The following PCSK5 variants were observed in gnomAD, a reference collection of about 807,000 sequenced individuals.
The protein encoded by PCSK5 is proprotein convertase subtilisin/kexin type 5, also known as prohormone convertase 5.
PCSK5 carries 129 observed loss-of-function variants against 233.2 expected under a neutral mutation model. The ratio of observed to expected loss-of-function variants is 0.55; its 90% CI spans 0.48 to 0.64. The LOEUF is 0.64. Ranked by LOEUF, PCSK5 falls within the 30% of genes least tolerant of loss-of-function variation. PCSK5 has a pLI of 0.00. For synonymous variants in PCSK5, 825 were observed against 879.2 expected (o/e 0.94, Z 1.09); for missense variants, 2,076 against 2,430.1 (o/e 0.85, Z 3.06).
intron 13 of PCSK5, among the ~76,000 whole-genome samples, chr9:76,170,610 A>T (rs1255144672): frequency 1.3e-5 from 2 of 152,230 alleles, no homozygotes; most frequent in Non-Finnish European, 2.9e-5. Flanking sequence ...CCATGAACAC[A>T]TCTTTAGCCA....
rs541590101 is a variant in PCSK5, at chr9:76,217,344, C to T, written c.2627-10159C>T. Among the ~76,000 whole-genome samples, 355 of 152,338 alleles carry T rather than the reference C, an allele frequency of 2.3e-3. 3 individuals carry two copies. The highest frequency in any genetic ancestry group is 7.7e-3 in the African/African-American group (319 of 41,570). The stretch of plus-strand genomic sequence containing the variant: ...TAAAGGTCTCTCTGGTGTTTGCTCT[C>T]TGGTGTTGCTTATCTGAGGGACCCA... On this transcript the variant is annotated intron_variant, in intron 20 of 37. Coordinates refer to ENST00000674117, the MANE Select transcript of PCSK5 (RefSeq NM_001372043.1).
intron 9 of PCSK5, among the ~76,000 whole-genome samples, chr9:76,122,694 G>T (rs978011775): frequency 1.3e-5 from 2 of 151,694 alleles, no homozygotes; most frequent in African/African-American, 4.8e-5. Flanking sequence ...CTCTTTGTAG[G>T]ACATATATTT....
At chr9:76,194,267 T>G (rs1309728418) in intron 20 of PCSK5, 2 of 152,162 alleles carry the variant, frequency 1.3e-5, no homozygotes, top group Non-Finnish European at 2.9e-5. Context: ...CATCTGAAAT[T>G]CCATTTGTCA....
At chr9:76,217,720 G>A (rs1243312311) in intron 20 of PCSK5, among the ~76,000 whole-genome samples, 2 of 152,168 alleles carry the variant, frequency 1.3e-5, no homozygotes, top group African/African-American at 4.8e-5. Context: ...TCTCAAAAAG[G>A]AGAAAGAGCC....
chr9:76,249,168 G>A (rs918197270), intron 24 of PCSK5, among the ~76,000 whole-genome samples: 2 of 152,174 alleles, frequency 1.3e-5, no homozygotes, highest in Non-Finnish European at 1.5e-5. Flanking sequence ...TTTGATTGTC[G>A]TGACTGGAAG....
In PCSK5 at chr9:76,227,575, A is replaced by G; in HGVS notation, c.2699A>G (p.Gln900Arg). ...ASCAKCQGPT[Q>R]EDCTTCPMTR... ...TGTGCCAAGTGCCAGGGACCAACCC[A>G]GGAAGACTGCACTACCTGCCCCATG... Residue 900 changes from glutamine (Q) to arginine (R), a missense_variant, in exon 21 of 38, where the codon CAG becomes CGG. Physicochemically the swap from Gln to Arg is conservative, Grantham distance 43 (BLOSUM62 1). Transcript: ENST00000674117. 1.2e-6 allele frequency: 2 copies of G among 1,611,634 alleles called. No individual in the cohort carries two copies. Among genetic ancestry groups the G allele is most frequent in the South Asian group, 1.1e-5 (1 of 90,794 alleles).
chr9:76,193,560 A>C, intron 20 of PCSK5: 1 of 490,978 alleles, frequency 2.0e-6, no homozygotes, highest in Non-Finnish European at 3.5e-6. Context: ...ATAAAACTAC[A>C]ACAAGCCTAC....
At chr9:76,317,973 G>A (rs1050821066) in intron 30 of PCSK5, among the ~76,000 whole-genome samples, 3 of 152,164 alleles carry the variant, frequency 2.0e-5, no homozygotes, top group Admixed American at 2.0e-4. Flanking sequence ...GGTTGGGATG[G>A]TTTGTGGCAC....
At chr9:76,019,978 T>C (rs1828110953) in intron 3 of PCSK5, among the ~76,000 whole-genome samples, 1 of 152,256 alleles carries the variant, frequency 6.6e-6, no homozygotes, top group Non-Finnish European at 1.5e-5. Context: ...ACTATAAATA[T>C]TTATCTTGCA....
At chr9:76,060,281 A>T (rs1397434684) in intron 5 of PCSK5, among the ~76,000 whole-genome samples, 1 of 152,226 alleles carries the variant, frequency 6.6e-6, no homozygotes, top group Admixed American at 6.5e-5. Flanking sequence ...TAATAAAAAT[A>T]AAAAACCAAT....
chr9:76,129,406 CTTTTA>C (rs754064727), intron 9 of PCSK5, among the ~76,000 whole-genome samples: 6 of 152,132 alleles, frequency 3.9e-5, no homozygotes, highest in Non-Finnish European at 8.8e-5. Context: ...CAGAATTACT[CTTTTA>C]TTTTAGGAAA....
At chr9:76,135,658 A>T (rs1033338016) in intron 10 of PCSK5, among the ~76,000 whole-genome samples, 1 of 152,046 alleles carries the variant, frequency 6.6e-6, no homozygotes, top group African/African-American at 2.4e-5. Context: ...TGCCATATGT[A>T]TGTTTCATTT....
At chr9:75,997,757 G>A (rs1317264898) in intron 3 of PCSK5, among the ~76,000 whole-genome samples, 1 of 152,050 alleles carries the variant, frequency 6.6e-6, no homozygotes, top group Non-Finnish European at 1.5e-5. Flanking sequence ...ATTAAAAAGA[G>A]GAAAAACCTG....
chr9:76,204,256 G>A (rs1442404494), intron 20 of PCSK5, among the ~76,000 whole-genome samples: 3 of 152,024 alleles, frequency 2.0e-5, no homozygotes, highest in South Asian at 2.1e-4. Flanking sequence ...GAAGCACTCT[G>A]TGAATCTTCT....
rs1564081347 is a variant in PCSK5, at chr9:76,175,271, G to GGAATGGAATCGAATCGAATC, written c.1900+146_1900+147insGGAATCGAATCGAATCGAAT. On this transcript the variant is annotated intron_variant, in intron 14 of 37. Transcript: ENST00000674117. ...GGAATGGAATGGAATGGAATGGAAT[G>GGAATGGAATCGAATCGAATC]GAATCGAATCGAATCGAATCGAATA... The GGAATGGAATCGAATCGAATC allele has an allele frequency of 5.8e-6, 3 of 517,232 alleles. No individual in the cohort carries two copies. In the African/African-American group the frequency reaches 8.0e-5, roughly 14 times the overall value. The allele number at this position is 517,232 out of a possible 1,614,324, so 32.0% of individuals were successfully genotyped here.
chr9:76,192,608 G>A (rs1469107267), intron 20 of PCSK5, among the ~76,000 whole-genome samples: 3 of 83,792 alleles, frequency 3.6e-5, no homozygotes, highest in African/African-American at 9.2e-5. Context: ...TTCTTGTGTT[G>A]AATTTAATTC....
intron 22 of PCSK5, among the ~76,000 whole-genome samples, chr9:76,234,365 A>C (rs956633251): frequency 6.6e-6 from 1 of 152,014 alleles, no homozygotes; most frequent in Non-Finnish European, 1.5e-5. Context: ...GCTGCTCTCC[A>C]TCTCTCCCCA....
chr9:76,181,389 A>G lies in PCSK5; in HGVS notation c.2004-9A>G. 1.2e-6 allele frequency: 2 copies of G among 1,607,862 alleles called. No homozygotes were observed. The highest frequency in any genetic ancestry group is 1.3e-5 in the African/African-American group (1 of 74,724). Reference sequence around the variant, plus strand: ...ACGCTGCCTTCTTTCTTATTGTTTCACAATGCAGGATCTGTGTCTCCAGCT... The same window carrying G: ...ACGCTGCCTTCTTTCTTATTGTTTCGCAATGCAGGATCTGTGTCTCCAGCT... On this transcript the variant is annotated splice_polypyrimidine_tract_variant and intron_variant, in intron 15 of 37. Transcript: ENST00000674117.
intron 1 of PCSK5, among the ~76,000 whole-genome samples, chr9:75,899,261 T>C (rs1825926961): frequency 6.6e-6 from 1 of 152,222 alleles, no homozygotes; most frequent in Non-Finnish European, 1.5e-5. Flanking sequence ...TCAGCATTAG[T>C]TTATACTTAA....
Sources: allele counts gnomAD v4.1 joint callset (sites outside exome capture counted in the v4.1 genomes callset), GRCh38; gene constraint gnomAD v4.1.1; transcripts MANE v1.5; gene names NCBI Gene and HGNC (gene_info 2026-07-23, HGNC 2026-07-21).